FGF12: variants seen among roughly 807,000 people sequenced by gnomAD.
FGF12 encodes the protein fibroblast growth factor 12B.
FGF12 carries 14 observed loss-of-function variants against 23.6 expected under a neutral mutation model. That is an observed-to-expected ratio of 0.59 (90% CI 0.39 to 0.93). The LOEUF (loss-of-function observed/expected upper bound fraction) is 0.93. Ranked by LOEUF, FGF12 falls within the 40% of genes least tolerant of loss-of-function variation. The pLI is 0.00. For synonymous variants in FGF12, 62 were observed against 77.3 expected, an observed-to-expected ratio of 0.80 and a Z score of 1.04; for missense variants, 175 against 217.8, an observed-to-expected ratio of 0.80 and a Z score of 1.24.
chr3:192,382,960 C>G (rs948699272), intron 2 of FGF12, among the ~76,000 whole-genome samples: 1 of 152,124 alleles, frequency 6.6e-6, no homozygotes, highest in Non-Finnish European at 1.5e-5. Context: ...GAGAAAGTAA[C>G]AACACGGCCA....
intron 4 of FGF12, among the ~76,000 whole-genome samples, chr3:192,233,545 G>A (rs991031618): frequency 9.2e-5 from 14 of 152,134 alleles, no homozygotes; most frequent in Non-Finnish European, 1.5e-5. Context: ...AAGATCTTTA[G>A]TTTAATTAGG....
At chr3:192,403,160 G>A (rs1467176597) in intron 2 of FGF12, among the ~76,000 whole-genome samples, 1 of 152,096 alleles carries the variant, frequency 6.6e-6, no homozygotes, top group Non-Finnish European at 1.5e-5. Context: ...AAAGCAATGA[G>A]TTTCCATATG....
intron 2 of FGF12, among the ~76,000 whole-genome samples, chr3:192,609,873 C>T (rs1054185793): frequency 6.6e-5 from 10 of 152,068 alleles, no homozygotes; most frequent in South Asian, 4.1e-4. Context: ...TTCAAACAGA[C>T]GTAGAACTTT....
At chr3:192,504,423 T>G (rs189678127) in intron 2 of FGF12, among the ~76,000 whole-genome samples, 1 of 152,346 alleles carries the variant, frequency 6.6e-6, no homozygotes, top group Non-Finnish European at 1.5e-5. Context: ...TCTCTCACTT[T>G]CCACAGTTAC....
intron 2 of FGF12, among the ~76,000 whole-genome samples, chr3:192,378,895 T>C (rs945693325): frequency 3.3e-5 from 5 of 152,106 alleles, no homozygotes; most frequent in Non-Finnish European, 7.4e-5. Flanking sequence ...TTTTTTCTGC[T>C]CCTCTCCCTC....
At chr3:192,496,668 C>G (rs1376303456) in intron 2 of FGF12, among the ~76,000 whole-genome samples, 1 of 152,176 alleles carries the variant, frequency 6.6e-6, no homozygotes, top group Non-Finnish European at 1.5e-5. Flanking sequence ...TCAAATCAGA[C>G]TTTGTCACCC....
At position 192,202,626 on chromosome 3, in the gene FGF12, G is replaced by A. The variant is rs187022763; in HGVS notation, c.229-31970C>T. 2.6e-3 allele frequency among the ~76,000 whole-genome samples: 400 copies of A among 152,192 alleles called. 6 individuals carry two copies. The highest frequency in any genetic ancestry group is 9.3e-4 in the Non-Finnish European group (63 of 68,002). ...AAATATTTAATTTTGTCTCATATCC[G>A]AATAGTAGAGGAAAGGCCATATTGT... On this transcript the variant is annotated intron_variant, in intron 4 of 5. Transcript: ENST00000445105.
At chr3:192,265,603 G>A (rs1415705770) in intron 4 of FGF12, among the ~76,000 whole-genome samples, 1 of 151,942 alleles carries the variant, frequency 6.6e-6, no homozygotes, top group Non-Finnish European at 1.5e-5. Flanking sequence ...GATGAAACCT[G>A]AAAACTGTGT....
intron 2 of FGF12, among the ~76,000 whole-genome samples, chr3:192,619,175 T>G (rs1366805931): frequency 6.6e-6 from 1 of 152,056 alleles, no homozygotes; most frequent in African/African-American, 2.4e-5. Context: ...TGGCTGCCTG[T>G]AACCTCTATC....
intron 2 of FGF12, among the ~76,000 whole-genome samples, chr3:192,492,530 C>G (rs1389394903): frequency 1.3e-5 from 2 of 151,828 alleles, no homozygotes; most frequent in East Asian, 1.9e-4. Context: ...ATTCCCAAAG[C>G]ACGGTATACA....
chr3:192,156,730 C>T (rs1714445506), intron 5 of FGF12, among the ~76,000 whole-genome samples: 1 of 152,146 alleles, frequency 6.6e-6, no homozygotes, highest in Non-Finnish European at 1.5e-5. Context: ...CAGGATATTT[C>T]TGAGATAAAA....
At chr3:192,154,937 C>G (rs1419448675) in intron 5 of FGF12, among the ~76,000 whole-genome samples, 2 of 132,972 alleles carry the variant, frequency 1.5e-5, no homozygotes, top group Non-Finnish European at 3.4e-5. Context: ...GCAGTTTGAT[C>G]TCAGACTGCT....
At chr3:192,223,965 T>A (rs956827135) in intron 4 of FGF12, among the ~76,000 whole-genome samples, 14 of 151,794 alleles carry the variant, frequency 9.2e-5, no homozygotes, top group African/African-American at 3.1e-4. Flanking sequence ...GTGTATAGAG[T>A]GAGTTGTGAT....
chr3:192,144,105 C>T lies in FGF12; in HGVS notation c.450G>A (p.Ser150=), dbSNP rs369115025. The change falls in exon 6 of 6, where the codon TCG becomes TCA. Residue 150 remains serine, a synonymous_variant. Coordinates refer to ENST00000445105, the MANE Select transcript of FGF12 (RefSeq NM_004113.6). ...PIEVCMYREP[S]LHEIGEKQGR... is the part of the protein sequence containing the mutation. Reference sequence around the variant, plus strand: ...CTTGTTTTTCTCCAATTTCATGTAGCGATGGTTCTCTGTACATACACACTG... The same window carrying T: ...CTTGTTTTTCTCCAATTTCATGTAGTGATGGTTCTCTGTACATACACACTG... 81 of 1,612,506 alleles carry T rather than the reference C, an allele frequency of 5.0e-5. No homozygotes were observed. The highest frequency in any genetic ancestry group is 2.5e-4 in the Admixed American group (15 of 59,966).
intron 2 of FGF12, among the ~76,000 whole-genome samples, chr3:192,547,325 G>A (rs1451948816): frequency 6.6e-6 from 1 of 152,108 alleles, no homozygotes; most frequent in African/African-American, 2.4e-5. Context: ...TAGTCTCTAT[G>A]AATTAGTCTT....
At chr3:192,161,536 AT>A (rs1204668087) in intron 5 of FGF12, among the ~76,000 whole-genome samples, 1 of 141,560 alleles carries the variant, frequency 7.1e-6, no homozygotes, top group Admixed American at 7.1e-5. Context: ...ACACACACAC[AT>A]CACATCACAT....
At chr3:192,172,474 A>G (rs1244904851) in intron 4 of FGF12, among the ~76,000 whole-genome samples, 2 of 150,686 alleles carry the variant, frequency 1.3e-5, no homozygotes, top group African/African-American at 2.4e-5. Flanking sequence ...GATAATATGA[A>G]TAGCAATAAA....
At chr3:192,721,229 A>G (rs181289031) in intron 2 of FGF12, among the ~76,000 whole-genome samples, 76 of 152,334 alleles carry the variant, frequency 5.0e-4, no homozygotes, top group Non-Finnish European at 9.3e-4. Flanking sequence ...ACAGCTAAAA[A>G]TGATGAAAGT....
At chr3:192,205,693 A>G (rs1717611740) in intron 4 of FGF12, among the ~76,000 whole-genome samples, 1 of 152,124 alleles carries the variant, frequency 6.6e-6, no homozygotes, top group South Asian at 2.1e-4. Context: ...GGCCTTTGAG[A>G]ACATAGAAAA....
Sources: gnomAD v4.1 joint callset for allele counts (sites outside exome capture counted in the v4.1 genomes callset) on GRCh38, gnomAD v4.1.1 for gene constraint, MANE v1.5 for transcripts, NCBI Gene and HGNC (gene_info 2026-07-23, HGNC 2026-07-21) for gene names.